B3GALT1: variants seen among roughly 807,000 people sequenced by gnomAD.
B3GALT1 encodes UDP-Gal:betaGlcNAc beta 1,3-galactosyltransferase, polypeptide 1.
In B3GALT1, 10 loss-of-function variants were observed where a neutral mutation model predicts 23.2. The ratio of observed to expected loss-of-function variants is 0.43; its 90% CI spans 0.27 to 0.73. The LOEUF (loss-of-function observed/expected upper bound fraction) is 0.73, where lower values mean the gene tolerates loss of function less well. B3GALT1 is among the 30% of genes least tolerant of loss of function. The pLI is 0.21. For synonymous variants in B3GALT1, 156 were observed against 141.5 expected, an observed-to-expected ratio of 1.10 and a Z score of -0.73; for missense variants, 299 against 405.4, an observed-to-expected ratio of 0.74 and a Z score of 2.25.
intron 2 of B3GALT1, among the ~76,000 whole-genome samples, chr2:167,568,469 C>A (rs907247193): frequency 6.6e-6 from 1 of 151,938 alleles, no homozygotes; most frequent in East Asian, 1.9e-4. Flanking sequence ...GGTTAGTATG[C>A]CTTCCCTGAT....
chr2:167,414,101 A>G (rs563409239), intron 1 of B3GALT1, among the ~76,000 whole-genome samples: 1 of 152,266 alleles, frequency 6.6e-6, no homozygotes, highest in African/African-American at 2.4e-5. Flanking sequence ...CAAGTTTTAC[A>G]TGACATGGGG....
rs150207366 is a variant in B3GALT1, at chr2:167,420,732, G to T, written c.-510-69445G>T. Among the ~76,000 whole-genome samples, 569 of 152,224 alleles carry T rather than the reference G, an allele frequency of 3.7e-3. 2 individuals carry two copies. Among genetic ancestry groups the T allele is most frequent in the African/African-American group, 0.013 (537 of 41,546 alleles). On this transcript the variant is annotated intron_variant, in intron 1 of 4. Coordinates refer to ENST00000392690, the MANE Select transcript of B3GALT1 (RefSeq NM_020981.4). ...TGTACTCTTGTCCATTTTATCAGTT[G>T]CACCTAGACTCATTCTCAGAACATA...
intron 2 of B3GALT1, among the ~76,000 whole-genome samples, chr2:167,603,627 A>G (rs967513457): frequency 6.6e-6 from 1 of 152,322 alleles, no homozygotes; most frequent in South Asian, 2.1e-4. Context: ...CATAATAACT[A>G]ATTGTTAGAA....
chr2:167,464,536 A>G (rs1467240293), intron 1 of B3GALT1, among the ~76,000 whole-genome samples: 1 of 152,210 alleles, frequency 6.6e-6, no homozygotes, highest in Non-Finnish European at 1.5e-5. Flanking sequence ...TCTGTTTAGT[A>G]GAATCAGAAT....
intron 1 of B3GALT1, among the ~76,000 whole-genome samples, chr2:167,486,307 C>T (rs531964688): frequency 2.2e-4 from 32 of 146,784 alleles, no homozygotes; most frequent in Admixed American, 1.3e-3. Context: ...TGCAGTTAGC[C>T]GAGATCGTGC....
chr2:167,688,882 T>C (rs1292125885), intron 3 of B3GALT1, among the ~76,000 whole-genome samples: 4 of 152,098 alleles, frequency 2.6e-5, no homozygotes, highest in Admixed American at 2.6e-4. Context: ...TTTATACTTG[T>C]TCACCTCTTT....
At chr2:167,402,088 G>T in intron 1 of B3GALT1, among the ~76,000 whole-genome samples, 1 of 152,010 alleles carries the variant, frequency 6.6e-6, no homozygotes, top group East Asian at 1.9e-4. Context: ...AGTAAGAATT[G>T]GTTGGGTCAA....
At chr2:167,443,383 T>G (rs578007792) in intron 1 of B3GALT1, among the ~76,000 whole-genome samples, 5 of 152,318 alleles carry the variant, frequency 3.3e-5, no homozygotes, top group African/African-American at 1.2e-4. Flanking sequence ...CATATGAACT[T>G]TAAAGTAGTT....
intron 2 of B3GALT1, among the ~76,000 whole-genome samples, chr2:167,511,410 T>C (rs1700001853): frequency 6.6e-6 from 1 of 152,180 alleles, no homozygotes; most frequent in Non-Finnish European, 1.5e-5. Context: ...TGGACACTCA[T>C]TTCTCTCTCC....
chr2:167,580,135 G>A (rs1684458180), intron 2 of B3GALT1, among the ~76,000 whole-genome samples: 1 of 152,140 alleles, frequency 6.6e-6, no homozygotes, highest in African/African-American at 2.4e-5. Flanking sequence ...AAGTCCTGTG[G>A]TAAGCCACAA....
intron 3 of B3GALT1, among the ~76,000 whole-genome samples, chr2:167,764,359 A>G (rs1014324489): frequency 6.6e-6 from 1 of 152,200 alleles, no homozygotes; most frequent in African/African-American, 2.4e-5. Context: ...TAAAGTTATT[A>G]ATAATATAAG....
At chr2:167,771,479 G>A (rs181210687) in intron 3 of B3GALT1, among the ~76,000 whole-genome samples, 2 of 152,284 alleles carry the variant, frequency 1.3e-5, no homozygotes, top group Admixed American at 1.3e-4. Context: ...GCTGAGGCAG[G>A]AGAATTGCTT....
chr2:167,463,496 A>G (rs909407644), intron 1 of B3GALT1, among the ~76,000 whole-genome samples: 1 of 152,174 alleles, frequency 6.6e-6, no homozygotes, highest in African/African-American at 2.4e-5. Flanking sequence ...GTAATAGGAA[A>G]AAAAGATATC....
chr2:167,450,033 C>T (rs772060642), intron 1 of B3GALT1, among the ~76,000 whole-genome samples: 3 of 151,938 alleles, frequency 2.0e-5, no homozygotes, highest in Non-Finnish European at 2.9e-5. Flanking sequence ...TATTCATCAG[C>T]GATGTTGGTG....
chr2:167,868,826 T>A lies in B3GALT1; in HGVS notation c.-214T>A. The A allele has an allele frequency of 1.9e-6, 1 of 520,810 alleles. No homozygotes were observed. The highest frequency in any genetic ancestry group is 3.3e-6 in the Non-Finnish European group (1 of 300,294). The allele number at this position is 520,810 out of a possible 1,614,324, so 32.3% of individuals were successfully genotyped here. On this transcript the variant is annotated 5_prime_UTR_variant, in exon 5 of 5. Coordinates refer to ENST00000392690, the MANE Select transcript of B3GALT1 (RefSeq NM_020981.4). ...GATTTTGCAGAGTTAAGAGGAAGAT[T>A]TATGAGTCATGGAACCCTCCATCAG...
intron 2 of B3GALT1, among the ~76,000 whole-genome samples, chr2:167,531,462 G>C (rs1444957487): frequency 6.6e-6 from 1 of 152,088 alleles, no homozygotes; most frequent in Non-Finnish European, 1.5e-5. Flanking sequence ...TGGTGAGTAG[G>C]ACTACCCTTT....
At chr2:167,399,644 A>G (rs943325813) in intron 1 of B3GALT1, among the ~76,000 whole-genome samples, 1 of 151,208 alleles carries the variant, frequency 6.6e-6, no homozygotes, top group Admixed American at 6.6e-5. Context: ...CACATTTTTC[A>G]TTTTTTCAAT....
At chr2:167,601,293 T>C (rs945012232) in intron 2 of B3GALT1, among the ~76,000 whole-genome samples, 2 of 152,118 alleles carry the variant, frequency 1.3e-5, no homozygotes, top group African/African-American at 4.8e-5. Flanking sequence ...ATGATCTGCC[T>C]GCTTTGGCCT....
intron 1 of B3GALT1, among the ~76,000 whole-genome samples, chr2:167,329,582 T>C (rs915557960): frequency 6.6e-6 from 1 of 152,222 alleles, no homozygotes; most frequent in African/African-American, 2.4e-5. Context: ...CCCACTATTA[T>C]TGTACTGCAG....
Sources: gnomAD v4.1 joint callset for allele counts (sites outside exome capture counted in the v4.1 genomes callset) on GRCh38, gnomAD v4.1.1 for gene constraint, MANE v1.5 for transcripts, NCBI Gene and HGNC (gene_info 2026-07-23, HGNC 2026-07-21) for gene names.